The following ACMSD variants were observed in gnomAD, a reference collection of about 807,000 sequenced individuals.
The protein encoded by ACMSD is 2-amino-3-carboxymuconate-6-semialdehyde decarboxylase.
In ACMSD, 37 loss-of-function variants were observed where a neutral mutation model predicts 45.9. The observed-to-expected ratio is 0.81, with a 90% confidence interval of 0.62 to 1.06. The LOEUF (loss-of-function observed/expected upper bound fraction) is 1.06, where lower values mean the gene tolerates loss of function less well. Among genes scored for constraint, ACMSD ranks in the 50% least tolerant of loss-of-function variants. ACMSD has a pLI of 0.00. For synonymous variants in ACMSD, 138 were observed against 148.8 expected (o/e 0.93, Z 0.53); for missense variants, 434 against 420.9 (o/e 1.03, Z -0.27).
At chr2:134,863,681 G>A (rs773997726) in intron 5 of ACMSD, 50 bp downstream of exon 5, 20 of 1,584,200 alleles carry the variant, frequency 1.3e-5, no homozygotes, top group East Asian at 1.1e-4. Context: ...TGCCTGGGCC[G>A]GGGGCACCGC....
rs149391258 is a variant in ACMSD at position 134,851,459 on chromosome 2, T to C, written c.102+6182T>C. ...GTGTAGAAGCATTCCCTTTTCTTTT[T>C]TTTTTTAGGAGTCTCACTCTGTCTC... On this transcript the variant is annotated intron_variant, in intron 2 of 9. Coordinates refer to ENST00000356140, the MANE Select transcript of ACMSD (RefSeq NM_138326.3). Among the ~76,000 whole-genome samples, 384 of 152,264 alleles carry C rather than the reference T, an allele frequency of 2.5e-3. 1 individual carries two copies. The highest frequency in any genetic ancestry group is 8.7e-3 in the African/African-American group (362 of 41,566).
At chr2:134,854,429 C>T (rs1231839040) in intron 2 of ACMSD, among the ~76,000 whole-genome samples, 1 of 152,222 alleles carries the variant, frequency 6.6e-6, no homozygotes, top group Non-Finnish European at 1.5e-5. Flanking sequence ...GCTGCTCCAA[C>T]AAGGATGCAA....
chr2:134,857,489 ATTG>A (rs1168926321), intron 2 of ACMSD, among the ~76,000 whole-genome samples: 1 of 152,122 alleles, frequency 6.6e-6, no homozygotes, highest in African/African-American at 2.4e-5. Context: ...TCTTTTGCAG[ATTG>A]TTAACATACA....
At chr2:134,854,064 T>C (rs996918815) in intron 2 of ACMSD, among the ~76,000 whole-genome samples, 4 of 152,302 alleles carry the variant, frequency 2.6e-5, no homozygotes, top group Non-Finnish European at 4.4e-5. Flanking sequence ...CATGGACTTA[T>C]TGGTAAAATG....
chr2:134,892,243 C>A (rs1027046058), intron 8 of ACMSD, among the ~76,000 whole-genome samples: 2 of 151,460 alleles, frequency 1.3e-5, no homozygotes, highest in African/African-American at 2.4e-5. Flanking sequence ...TTTAAAAAAT[C>A]GGGTATAACT....
intron 8 of ACMSD, among the ~76,000 whole-genome samples, chr2:134,892,462 AAAATAAAT>A (rs4055120): frequency 0.42 from 62,872 of 148,296 alleles, 14,256 homozygotes; most frequent in Middle Eastern, 0.74. Context: ...TGCTGTGGAA[AAAATAAAT>A]AAATAAATAA....
chr2:134,889,191 A>C (rs1355024070), intron 8 of ACMSD, among the ~76,000 whole-genome samples: 1 of 152,184 alleles, frequency 6.6e-6, no homozygotes, highest in African/African-American at 2.4e-5. Flanking sequence ...GAAGATGAGA[A>C]GGTACCCTGC....
chr2:134,874,237 T>C (rs17257172), intron 8 of ACMSD, among the ~76,000 whole-genome samples: 4,231 of 152,332 alleles, frequency 0.028, 97 homozygotes, highest in Middle Eastern at 0.095. Flanking sequence ...AACTTCTTGA[T>C]GCTGAGATCT....
chr2:134,870,907 C>A, intron 6 of ACMSD, 58 bp from the exon 7 acceptor site: 1 of 1,462,494 alleles, frequency 6.8e-7, no homozygotes, highest in Non-Finnish European at 9.5e-7. Context: ...ACTAACATCA[C>A]TGAATTCTTC....
chr2:134,862,534 C>T (rs1052279161), intron 4 of ACMSD, among the ~76,000 whole-genome samples: 5 of 152,096 alleles, frequency 3.3e-5, no homozygotes, highest in Non-Finnish European at 7.4e-5. Flanking sequence ...AATTTTTGTA[C>T]GTAGCCGGGA....
chr2:134,848,405 A>T (rs1687181170), intron 2 of ACMSD, among the ~76,000 whole-genome samples: 1 of 152,104 alleles, frequency 6.6e-6, no homozygotes, highest in African/African-American at 2.4e-5. Context: ...AACAGTATAA[A>T]AGCATTCCTA....
chr2:134,895,867 A>C (rs1484394615), intron 8 of ACMSD, among the ~76,000 whole-genome samples: 1 of 152,208 alleles, frequency 6.6e-6, no homozygotes, highest in African/African-American at 2.4e-5. Flanking sequence ...GTCTCAAAAA[A>C]GAAAATGCAA....
At chr2:134,861,819 G>T (rs1216081998) in intron 3 of ACMSD, 150 bp from the exon 4 acceptor site, 10 of 773,492 alleles carry the variant, frequency 1.3e-5, no homozygotes, top group Non-Finnish European at 2.3e-5. Flanking sequence ...GGGGGCTGAG[G>T]GGGGTCCAGG....
At chr2:134,879,040 C>T (rs1435721196) in intron 8 of ACMSD, among the ~76,000 whole-genome samples, 1 of 152,200 alleles carries the variant, frequency 6.6e-6, no homozygotes, top group Admixed American at 6.5e-5. Flanking sequence ...ATTATAGTCA[C>T]ATCTTGGCTT....
chr2:134,849,418 T>C (rs548595685), intron 2 of ACMSD, among the ~76,000 whole-genome samples: 1 of 152,160 alleles, frequency 6.6e-6, no homozygotes, highest in African/African-American at 2.4e-5. Context: ...TTTGAGTCCA[T>C]AGAAAACAAT....
chr2:134,876,653 A>AT (rs947797248), intron 8 of ACMSD, among the ~76,000 whole-genome samples: 2 of 152,058 alleles, frequency 1.3e-5, no homozygotes, highest in Admixed American at 6.6e-5. Context: ...TTTACAGTTA[A>AT]TTTTTTTTAA....
At chr2:134,871,179 C>T (rs1167922411) in intron 7 of ACMSD, 119 bp downstream of exon 7, 4 of 909,268 alleles carry the variant, frequency 4.4e-6, no homozygotes, top group Non-Finnish European at 5.0e-6. Context: ...AGTCCAAGAT[C>T]AAGGTGCTGG....
Position 134,845,668 on chromosome 2 carries a change from G to C in ACMSD, c.102+391G>C, listed in dbSNP as rs372757248. ...ATATTAAAGCTGACCAAATAAATGG[G>C]ACAGTTAGGTTTGAGCACAAGCTGG... is the stretch of plus-strand genomic sequence containing the variant. On this transcript the variant is annotated intron_variant, in intron 2 of 9. Coordinates refer to ENST00000356140, the MANE Select transcript of ACMSD (RefSeq NM_138326.3). Among the ~76,000 whole-genome samples the C allele has an allele frequency of 2.0e-5, 3 of 152,078 alleles. No homozygotes were observed. In the East Asian group the frequency reaches 5.8e-4, roughly 29 times the overall value.
chr2:134,852,012 G>A (rs2104830928), intron 2 of ACMSD, among the ~76,000 whole-genome samples: 1 of 152,306 alleles, frequency 6.6e-6, no homozygotes, highest in South Asian at 2.1e-4. Flanking sequence ...TATTATTAGT[G>A]TGTTATACGT....
Sources: gnomAD v4.1 joint callset for allele counts (sites outside exome capture counted in the v4.1 genomes callset) on GRCh38, gnomAD v4.1.1 for gene constraint, MANE v1.5 for transcripts, NCBI Gene and HGNC (gene_info 2026-07-23, HGNC 2026-07-21) for gene names.